The following FAM151B variants were observed in gnomAD, a reference collection of about 807,000 sequenced individuals.
FAM151B encodes protein FAM151B.
In FAM151B, 24 loss-of-function variants were observed where a neutral mutation model predicts 31.2. The ratio of observed to expected loss-of-function variants is 0.77; its 90% CI spans 0.56 to 1.08. The LOEUF (loss-of-function observed/expected upper bound fraction) is 1.08. FAM151B is among the 50% of genes least tolerant of loss of function. The pLI is 0.00. For missense variants in FAM151B, 293 were observed against 328.6 expected (o/e 0.89, Z 0.84); for synonymous variants, 105 against 111.4 (o/e 0.94, Z 0.36).
chr5:80,508,777 A>T (rs938726200), intron 2 of FAM151B, among the ~76,000 whole-genome samples: 2 of 152,140 alleles, frequency 1.3e-5, no homozygotes, highest in African/African-American at 4.8e-5. Context: ...CTACTTTGGT[A>T]TGCAAGTTAA....
chr5:80,528,381 A>T (rs773089445), intron 5 of FAM151B, among the ~76,000 whole-genome samples: 1 of 152,274 alleles, frequency 6.6e-6, no homozygotes, highest in South Asian at 2.1e-4. Flanking sequence ...ATAACATTGA[A>T]TGTAAGTGAC....
chr5:80,500,581 T>A lies in FAM151B; in HGVS notation c.26-1211T>A, dbSNP rs144760840. On this transcript the variant is annotated intron_variant, in intron 1 of 5. Transcript: ENST00000282226. ...GAAAAGCTGGCAACTTCTGTGTACC[T>A]GCAGAACCCAAAATGGCATTTGTCC... 1.6e-4 allele frequency: 120 copies of A among 756,420 alleles called. No homozygotes were observed. The East Asian group carries it at 2.7e-3, about 17-fold the overall frequency. The allele number at this position is 756,420 out of a possible 1,614,324, so 46.9% of individuals were successfully genotyped here. A position where few individuals can be genotyped will look rare whatever the true frequency, so the allele number is the denominator to read the frequency against.
At chr5:80,501,578 G>A (rs541007431) in intron 1 of FAM151B, among the ~76,000 whole-genome samples, 6 of 151,442 alleles carry the variant, frequency 4.0e-5, no homozygotes, top group Admixed American at 1.3e-4. Flanking sequence ...TGAGATTTTA[G>A]CTGTTCTTGC....
rs28769609 is a variant in FAM151B, at chr5:80,538,533, C to T, written c.672-3140C>T. ...CTTTCTTTCCTTCCTTCCTTCCTTC[C>T]TTCCTTCCTTCCTTCCTTCCTTCCT... On this transcript the variant is annotated intron_variant, in intron 5 of 5. Coordinates refer to ENST00000282226, the MANE Select transcript of FAM151B (RefSeq NM_205548.3). Among the ~76,000 whole-genome samples the T allele has an allele frequency of 5.7e-3, 615 of 108,186 alleles. 53 individuals are homozygous for T. The highest frequency in any genetic ancestry group is 0.029 in the African/African-American group (554 of 18,858). The allele number at this position is 108,186 out of a possible 152,430, so 71.0% of individuals were successfully genotyped here.
chr5:80,502,566 T>A (rs1298953272), intron 2 of FAM151B, among the ~76,000 whole-genome samples: 2 of 152,182 alleles, frequency 1.3e-5, no homozygotes, highest in African/African-American at 4.8e-5. Flanking sequence ...TGTATGTATA[T>A]CCCTTCATTA....
chr5:80,491,302 A>T (rs1260176996), intron 1 of FAM151B, among the ~76,000 whole-genome samples: 3 of 151,854 alleles, frequency 2.0e-5, no homozygotes, highest in Non-Finnish European at 2.9e-5. Context: ...TGCAGCCTTG[A>T]CCTCCTGGGC....
chr5:80,538,930 A>G (rs1342139353), intron 5 of FAM151B, among the ~76,000 whole-genome samples: 1 of 148,070 alleles, frequency 6.8e-6, no homozygotes, highest in Non-Finnish European at 1.5e-5. Flanking sequence ...ATGTTATGGT[A>G]TGTCATACAC....
chr5:80,525,170 T>C (rs1213456056), intron 5 of FAM151B, among the ~76,000 whole-genome samples: 1 of 152,206 alleles, frequency 6.6e-6, no homozygotes, highest in Non-Finnish European at 1.5e-5. Context: ...GTAATATGAA[T>C]AATATGTTAC....
At chr5:80,538,483 T>TTTCTTTCTTTCCTTCCTTCC (rs1554059092) in intron 5 of FAM151B, among the ~76,000 whole-genome samples, 10 of 101,102 alleles carry the variant, frequency 9.9e-5, no homozygotes, top group Non-Finnish European at 1.2e-4. Flanking sequence ...TCTTTCTTTC[T>TTTCTTTCTTTCCTTCCTTCC]TTCCTTCCTT....
intron 1 of FAM151B, among the ~76,000 whole-genome samples, chr5:80,493,552 A>G (rs114637346): frequency 0.011 from 1,666 of 152,272 alleles, 29 homozygotes; most frequent in African/African-American, 0.035. Context: ...GATATCGCTG[A>G]ATTCTTTTCC....
chr5:80,522,431 GA>G, intron 5 of FAM151B: 1 of 238,784 alleles, frequency 4.2e-6, no homozygotes, highest in Non-Finnish European at 8.0e-6. Context: ...AAAAAATTAT[GA>G]GTGGATAAAT....
intron 5 of FAM151B, among the ~76,000 whole-genome samples, chr5:80,538,478 C>CTTTCTCTTTCTTTG (rs1745681823): frequency 1.6e-5 from 2 of 122,476 alleles, no homozygotes; most frequent in Non-Finnish European, 3.4e-5. Context: ...TTCTTTCTTT[C>CTTTCTCTTTCTTTG]TTTCTTTCCT....
intron 5 of FAM151B, among the ~76,000 whole-genome samples, chr5:80,540,479 A>T (rs948616871): frequency 3.3e-5 from 5 of 152,182 alleles, no homozygotes; most frequent in African/African-American, 1.2e-4. Flanking sequence ...ATATCAATGA[A>T]TGTTTTTCCA....
intron 2 of FAM151B, among the ~76,000 whole-genome samples, chr5:80,503,980 G>A (rs1580419261): frequency 6.6e-6 from 1 of 152,076 alleles, no homozygotes; most frequent in African/African-American, 2.4e-5. Flanking sequence ...CTAGGGAGAG[G>A]GGCTGGGCAG....
At chr5:80,521,941 T>C in intron 4 of FAM151B, 62 bp from the exon 5 acceptor site, 1 of 1,285,428 alleles carries the variant, frequency 7.8e-7, no homozygotes, top group South Asian at 1.6e-5. Flanking sequence ...AATTTAGTCT[T>C]TTATTTAATT....
intron 5 of FAM151B, among the ~76,000 whole-genome samples, chr5:80,536,983 T>C (rs1222761454): frequency 1.3e-5 from 2 of 152,164 alleles, no homozygotes; most frequent in Admixed American, 6.5e-5. Flanking sequence ...AGGCCTAATA[T>C]GTGATAGCAC....
intron 5 of FAM151B, among the ~76,000 whole-genome samples, chr5:80,527,250 C>G (rs188542033): frequency 4.6e-5 from 7 of 152,034 alleles, no homozygotes; most frequent in African/African-American, 1.4e-4. Flanking sequence ...TAGTGAAACC[C>G]CATCTCTACT....
At chr5:80,533,696 G>A (rs1189188811) in intron 5 of FAM151B, among the ~76,000 whole-genome samples, 1 of 129,896 alleles carries the variant, frequency 7.7e-6, no homozygotes, top group Non-Finnish European at 1.6e-5. Context: ...ATTGCAGTGA[G>A]CCGAGATCAC....
At chr5:80,502,041 A>G (rs1743769638) in intron 2 of FAM151B, 124 bp downstream of exon 2, 4 of 535,662 alleles carry the variant, frequency 7.5e-6, no homozygotes, top group Non-Finnish European at 1.2e-5. Flanking sequence ...CCAGGCTGAC[A>G]TGAGTATTTT....
Sources: gnomAD v4.1 joint callset for allele counts (sites outside exome capture counted in the v4.1 genomes callset) on GRCh38, gnomAD v4.1.1 for gene constraint, MANE v1.5 for transcripts, NCBI Gene and HGNC (gene_info 2026-07-23, HGNC 2026-07-21) for gene names.